The following GNAZ variants were observed in gnomAD, a reference collection of about 807,000 sequenced individuals.
GNAZ encodes G protein subunit alpha z, also known as guanine nucleotide-binding protein G(z) subunit alpha.
Under a neutral mutation model 25.4 loss-of-function variants are expected in GNAZ, and 3 were observed. The ratio of observed to expected loss-of-function variants is 0.12; its 90% CI spans 0.05 to 0.30. GNAZ has a LOEUF of 0.30. Among genes scored for constraint, GNAZ ranks in the 10% least tolerant of loss-of-function variants. The pLI, the probability that GNAZ is intolerant of heterozygous loss-of-function variation, is 1.00. For synonymous variants in GNAZ, 211 were observed against 205.7 expected (o/e 1.03, Z -0.22); for missense variants, 241 against 501.8 (o/e 0.48, Z 4.97).
At chr22:23,084,267 C>T (rs960408450) in intron 1 of GNAZ, among the ~76,000 whole-genome samples, 1 of 152,178 alleles carries the variant, frequency 6.6e-6, no homozygotes, top group African/African-American at 2.4e-5. Context: ...GAGTAGAAGC[C>T]TTACTTTGAG....
chr22:23,091,788 T>A (rs967359764), intron 1 of GNAZ, among the ~76,000 whole-genome samples: 1 of 152,356 alleles, frequency 6.6e-6, no homozygotes, highest in East Asian at 1.9e-4. Context: ...GCGTCCTGTT[T>A]CTCTTCAGTG....
intron 1 of GNAZ, among the ~76,000 whole-genome samples, chr22:23,083,919 C>T (rs1480063728): frequency 2.0e-5 from 3 of 152,152 alleles, no homozygotes; most frequent in Non-Finnish European, 2.9e-5. Context: ...AGGAGGTTCT[C>T]CCTGGGCTTC....
intron 1 of GNAZ, among the ~76,000 whole-genome samples, chr22:23,088,106 G>A (rs536697384): frequency 6.6e-6 from 1 of 152,328 alleles, no homozygotes; most frequent in Admixed American, 6.5e-5. Context: ...GAAGCAAGAT[G>A]GAGTCAGTTA....
At chr22:23,114,703 T>G (rs1041528511) in intron 2 of GNAZ, among the ~76,000 whole-genome samples, 1 of 152,152 alleles carries the variant, frequency 6.6e-6, no homozygotes. Flanking sequence ...TCTGTGTGTG[T>G]GTGGTTATTT....
At chr22:23,098,198 G>A (rs907012018) in intron 2 of GNAZ, among the ~76,000 whole-genome samples, 7 of 152,220 alleles carry the variant, frequency 4.6e-5, no homozygotes, top group African/African-American at 1.4e-4. Flanking sequence ...TGGTCAGCTT[G>A]TTTTGCTCCA....
chr22:23,091,343 C>T (rs897741124), intron 1 of GNAZ, among the ~76,000 whole-genome samples: 8 of 152,056 alleles, frequency 5.3e-5, no homozygotes, highest in African/African-American at 1.7e-4. Context: ...CCTGCATACA[C>T]ATAGGCACCT....
chr22:23,085,250 G>C lies in GNAZ; in HGVS notation c.-449-9997G>C, dbSNP rs142453010. Among the ~76,000 whole-genome samples, 139 of 152,232 alleles carry C rather than the reference G, an allele frequency of 9.1e-4. 2 individuals are homozygous for C. Among genetic ancestry groups the C allele is most frequent in the African/African-American group, 3.2e-3 (133 of 41,534 alleles). On this transcript the variant is annotated intron_variant, in intron 1 of 2. Transcript: ENST00000615612. Reference sequence around the variant, plus strand: ...TTTTCTCTGTGTCCTCTTCTCCATGGTGCTGAGCTTTATTTGAAATGGCCT... The same window carrying C: ...TTTTCTCTGTGTCCTCTTCTCCATGCTGCTGAGCTTTATTTGAAATGGCCT...
At chr22:23,082,302 C>T (rs548477426) in intron 1 of GNAZ, among the ~76,000 whole-genome samples, 4 of 151,384 alleles carry the variant, frequency 2.6e-5, no homozygotes, top group Admixed American at 6.6e-5. Flanking sequence ...CTGCAACCTC[C>T]GCCTCCCAGG....
chr22:23,076,366 G>A (rs532308683), intron 1 of GNAZ, among the ~76,000 whole-genome samples: 2 of 152,338 alleles, frequency 1.3e-5, no homozygotes, highest in East Asian at 3.9e-4. Context: ...AATATTCGCA[G>A]ACAGTCATGC....
At chr22:23,112,022 G>C (rs1270917911) in intron 2 of GNAZ, among the ~76,000 whole-genome samples, 3 of 152,194 alleles carry the variant, frequency 2.0e-5, no homozygotes, top group Admixed American at 6.5e-5. Context: ...CTCATCCACA[G>C]CAAGACTGGA....
Position 23,071,671 on chromosome 22 carries a change from C to T in GNAZ, c.-450+1101C>T, listed in dbSNP as rs922453068. ...TGATTGACCACCGCATAGGGGAAAA[C>T]GTCTCTACTCGACCAACCCCGCTTG... On this transcript the variant is annotated intron_variant, in intron 1 of 2. Coordinates refer to ENST00000615612, the MANE Select transcript of GNAZ (RefSeq NM_002073.4). This position sits in a 1 kb window ranked among gnomAD's most constrained non-coding sequence, Gnocchi z 4.1. Among the ~76,000 whole-genome samples the T allele has an allele frequency of 1.3e-5, 2 of 152,204 alleles. No homozygotes were observed. Among genetic ancestry groups the T allele is most frequent in the African/African-American group, 2.4e-5 (1 of 41,444 alleles).
chr22:23,120,495 G>A (rs1051958249), intron 2 of GNAZ, among the ~76,000 whole-genome samples: 2 of 152,092 alleles, frequency 1.3e-5, no homozygotes, highest in Admixed American at 6.5e-5. Context: ...AACTGTTTCC[G>A]CATCAGTGAG....
intron 1 of GNAZ, among the ~76,000 whole-genome samples, chr22:23,080,731 A>C (rs1416995978): frequency 2.6e-5 from 4 of 152,242 alleles, no homozygotes; most frequent in Non-Finnish European, 4.4e-5. Flanking sequence ...GATGTCTTTC[A>C]TGTGCGTATG....
At chr22:23,122,837 G>T in intron 2 of GNAZ, 1 of 566,914 alleles carries the variant, frequency 1.8e-6, no homozygotes, top group Non-Finnish European at 3.1e-6. Context: ...GCACCCAGAG[G>T]AGAGACCCAA....
intron 1 of GNAZ, among the ~76,000 whole-genome samples, chr22:23,076,808 G>A (rs935735906): frequency 2.0e-5 from 3 of 152,228 alleles, no homozygotes; most frequent in Non-Finnish European, 2.9e-5. Context: ...GGTGGCCCCT[G>A]TGCCCCAAGA....
chr22:23,110,847 C>G (rs1437664256), intron 2 of GNAZ, among the ~76,000 whole-genome samples: 1 of 152,198 alleles, frequency 6.6e-6, no homozygotes, highest in African/African-American at 2.4e-5. Flanking sequence ...GACCCAAGGG[C>G]CCACCACACT....
At chr22:23,100,922 C>G (rs1022846452) in intron 2 of GNAZ, among the ~76,000 whole-genome samples, 5 of 152,200 alleles carry the variant, frequency 3.3e-5, no homozygotes, top group African/African-American at 9.7e-5. Flanking sequence ...CACCCTAGCG[C>G]TGTGGTTTAT....
intron 2 of GNAZ, among the ~76,000 whole-genome samples, chr22:23,096,841 A>G (rs73878642): frequency 0.012 from 1,784 of 152,346 alleles, 41 homozygotes; most frequent in African/African-American, 0.04. Context: ...AGAAGGGATA[A>G]TCCCAGGTCC....
chr22:23,098,306 T>A (rs559678425), intron 2 of GNAZ, among the ~76,000 whole-genome samples: 6 of 152,362 alleles, frequency 3.9e-5, no homozygotes, highest in Admixed American at 2.6e-4. Flanking sequence ...AAGTGGCGCC[T>A]CCTGGGAGGC....
Sources: gnomAD v4.1 joint callset for allele counts (sites outside exome capture counted in the v4.1 genomes callset) on GRCh38, gnomAD v4.1.1 for gene constraint, Gnocchi (gnomAD v3.1) non-coding constraint, MANE v1.5 for transcripts, NCBI Gene and HGNC (gene_info 2026-07-23, HGNC 2026-07-21) for gene names.